KIAA1217: variants seen among roughly 807,000 people sequenced by gnomAD.
KIAA1217 encodes the protein sickle tail protein homolog.
KIAA1217 carries 88 observed loss-of-function variants against 163.9 expected under a neutral mutation model. That is an observed-to-expected ratio of 0.54 (90% CI 0.45 to 0.64). The LOEUF is 0.64. Among genes scored for constraint, KIAA1217 ranks in the 30% least tolerant of loss-of-function variants. KIAA1217 has a pLI of 0.00. For synonymous variants in KIAA1217, 903 were observed against 923.1 expected (o/e 0.98, Z 0.39); for missense variants, 2,372 against 2,475.0 (o/e 0.96, Z 0.88).
intron 1 of KIAA1217, among the ~76,000 whole-genome samples, chr10:23,832,003 A>G (rs76284696): frequency 5.3e-5 from 8 of 152,246 alleles, no homozygotes; most frequent in East Asian, 1.9e-4. Flanking sequence ...CCAGTGGACA[A>G]TTCTCTAGTG....
At chr10:24,297,996 C>T (rs892486858) in intron 2 of KIAA1217, among the ~76,000 whole-genome samples, 1 of 151,696 alleles carries the variant, frequency 6.6e-6, no homozygotes, top group African/African-American at 2.4e-5. Flanking sequence ...GACTTTAGAA[C>T]ATCTGGCCTG....
intron 2 of KIAA1217, among the ~76,000 whole-genome samples, chr10:24,099,955 T>C (rs796456232): frequency 1.5e-4 from 23 of 152,156 alleles, no homozygotes; most frequent in African/African-American, 5.5e-4. Context: ...AAAGGAGACT[T>C]GATATGATTT....
At chr10:24,456,733 C>T (rs943493431) in intron 5 of KIAA1217, among the ~76,000 whole-genome samples, 37 of 148,884 alleles carry the variant, frequency 2.5e-4, no homozygotes, top group Middle Eastern at 3.4e-3. Context: ...GACAGAGTCT[C>T]GCTCTGTCCC....
chr10:23,902,230 G>T (rs1308865809), intron 1 of KIAA1217, among the ~76,000 whole-genome samples: 2 of 152,034 alleles, frequency 1.3e-5, no homozygotes, highest in East Asian at 3.9e-4. Flanking sequence ...GAAAATGGAT[G>T]GTGCTGGTGG....
chr10:23,965,292 C>T (rs1420426539), intron 1 of KIAA1217, among the ~76,000 whole-genome samples: 2 of 152,236 alleles, frequency 1.3e-5, no homozygotes, highest in African/African-American at 2.4e-5. Context: ...AAAGCGTGAC[C>T]TGCAGATCCC....
chr10:24,474,844 A>G (rs987919495), intron 6 of KIAA1217, among the ~76,000 whole-genome samples: 7 of 152,240 alleles, frequency 4.6e-5, no homozygotes, highest in Admixed American at 3.3e-4. Flanking sequence ...AATCATAAAA[A>G]TCTAGCCAAA....
chr10:24,286,017 G>T (rs940924407), intron 2 of KIAA1217, among the ~76,000 whole-genome samples: 1 of 152,108 alleles, frequency 6.6e-6, no homozygotes, highest in Non-Finnish European at 1.5e-5. Flanking sequence ...CAGCTTGAAT[G>T]TTGTTGCTAT....
intron 1 of KIAA1217, among the ~76,000 whole-genome samples, chr10:23,768,120 C>G (rs988317808): frequency 6.6e-6 from 1 of 152,194 alleles, no homozygotes; most frequent in Non-Finnish European, 1.5e-5. Flanking sequence ...TAATCCCACC[C>G]ATTCTTAAAA....
rs1701602079 is a variant in KIAA1217 at position 24,473,745 on chromosome 10, C to T, written c.1364C>T (p.Ser455Leu). Reference protein sequence around the residue: ...HMEQSLYRQKSRKYPDSHLPT... With the variant: ...HMEQSLYRQKLRKYPDSHLPT... The stretch of plus-strand genomic sequence containing the variant: ...GAACAATCACTGTACAGACAGAAAT[C>T]AAGGAAATATCCGGATAGCCATTTG... Residue 455 changes from serine to leucine, a missense_variant, in exon 6 of 21, where the codon TCA becomes TTA. Coordinates refer to ENST00000376454, the MANE Select transcript of KIAA1217 (RefSeq NM_019590.5). 6.2e-7 allele frequency: 1 copy of T among 1,613,902 alleles called. No homozygotes were observed. Among genetic ancestry groups the T allele is most frequent in the African/African-American group, 1.3e-5 (1 of 74,870 alleles).
At chr10:24,134,784 C>T (rs1262224907) in intron 2 of KIAA1217, among the ~76,000 whole-genome samples, 3 of 152,082 alleles carry the variant, frequency 2.0e-5, no homozygotes, top group Non-Finnish European at 4.4e-5. Context: ...ACTGTGTTGC[C>T]CAAGCTGATC....
At chr10:23,931,138 T>C (rs1428105927) in intron 1 of KIAA1217, among the ~76,000 whole-genome samples, 1 of 152,114 alleles carries the variant, frequency 6.6e-6, no homozygotes, top group African/African-American at 2.4e-5. Context: ...TAACAACAAC[T>C]AGCATTTATT....
intron 1 of KIAA1217, among the ~76,000 whole-genome samples, chr10:23,881,928 C>G (rs1231326546): frequency 1.3e-5 from 2 of 151,932 alleles, no homozygotes; most frequent in African/African-American, 2.4e-5. Context: ...CCAGAGCCCA[C>G]CTAGCCATCA....
chr10:23,910,799 G>T (rs892782886), intron 1 of KIAA1217, among the ~76,000 whole-genome samples: 2 of 152,122 alleles, frequency 1.3e-5, no homozygotes, highest in South Asian at 4.1e-4. Flanking sequence ...AAACAAGCTG[G>T]CCAAGAGGGA....
At chr10:24,070,339 A>T (rs2131626589) in intron 2 of KIAA1217, among the ~76,000 whole-genome samples, 1 of 152,280 alleles carries the variant, frequency 6.6e-6, no homozygotes, top group South Asian at 2.1e-4. Flanking sequence ...ATCAATTCCC[A>T]AACAAAATAC....
At position 24,521,087 on chromosome 10, in the gene KIAA1217, A is replaced by C. The variant is rs1425152326; in HGVS notation, c.2309-695A>C. 4.1e-4 allele frequency among the ~76,000 whole-genome samples: 53 copies of C among 129,360 alleles called. 1 individual carries two copies. The Admixed American group carries it at 4.5e-3, about 11-fold the overall frequency. 84.9% of individuals were successfully genotyped at this position (129,360 alleles called of 152,430 possible). On this transcript the variant is annotated intron_variant, in intron 11 of 20. Coordinates refer to ENST00000376454, the MANE Select transcript of KIAA1217 (RefSeq NM_019590.5). ...CTGGCCAGGCGTAGTGGCTCATGCC[A>C]CTTTGGGAGGCTGAGGCGGGCAGAT...
chr10:24,432,964 T>C, intron 3 of KIAA1217, 31 bp from the exon 4 acceptor site: 1 of 1,593,066 alleles, frequency 6.3e-7, no homozygotes, highest in Non-Finnish European at 8.6e-7. Flanking sequence ...AGTCTTGACC[T>C]GTGACTAATA....
At chr10:23,758,385 T>C (rs1056142579) in intron 1 of KIAA1217, among the ~76,000 whole-genome samples, 1 of 152,212 alleles carries the variant, frequency 6.6e-6, no homozygotes, top group Admixed American at 6.5e-5. Flanking sequence ...AGGGTTTATT[T>C]CTGGACTCTG....
At chr10:23,995,695 C>A (rs1846443770) in intron 1 of KIAA1217, among the ~76,000 whole-genome samples, 1 of 152,122 alleles carries the variant, frequency 6.6e-6, no homozygotes, top group Non-Finnish European at 1.5e-5. Flanking sequence ...TTTGGAAGCA[C>A]ATTAAGTTTT....
intron 2 of KIAA1217, among the ~76,000 whole-genome samples, chr10:24,128,411 A>G (rs1054522786): frequency 1.3e-5 from 2 of 152,230 alleles, no homozygotes; most frequent in African/African-American, 2.4e-5. Flanking sequence ...GTCATTTTAA[A>G]TAACTGGGAT....
Sources: allele counts gnomAD v4.1 joint callset (sites outside exome capture counted in the v4.1 genomes callset), GRCh38; gene constraint gnomAD v4.1.1; transcripts MANE v1.5; gene names NCBI Gene and HGNC (gene_info 2026-07-23, HGNC 2026-07-21).